SOX5: variants seen among roughly 807,000 people sequenced by gnomAD.
SOX5 encodes SRY-box transcription factor 5, also known as transcription factor SOX-5.
SOX5 carries 9 observed loss-of-function variants against 92.0 expected under a neutral mutation model. The observed-to-expected ratio is 0.10, with a 90% confidence interval of 0.06 to 0.17. SOX5 has a LOEUF of 0.17. SOX5 is among the 10% of genes least tolerant of loss of function. SOX5 has a pLI of 1.00. For synonymous variants in SOX5, 344 were observed against 336.3 expected, an observed-to-expected ratio of 1.02 and a Z score of -0.25; for missense variants, 642 against 944.5, an observed-to-expected ratio of 0.68 and a Z score of 4.20.
At chr12:23,744,831 T>C (rs960368569) in intron 4 of SOX5, among the ~76,000 whole-genome samples, 2 of 152,112 alleles carry the variant, frequency 1.3e-5, no homozygotes, top group Non-Finnish European at 2.9e-5. Context: ...AGACAGAAAT[T>C]GCCTTACAGT....
In SOX5 at chr12:24,281,238, A is replaced by G. The variant is rs74686289; in HGVS notation, c.-173-3926T>C. 8.1e-4 allele frequency among the ~76,000 whole-genome samples: 52 copies of G among 64,308 alleles called. 1 individual carries two copies. In the East Asian group the frequency reaches 0.015, roughly 18 times the overall value. 42.2% of individuals were successfully genotyped at this position (64,308 alleles called of 152,430 possible). A position where few individuals can be genotyped will look rare whatever the true frequency, so the allele number is the denominator to read the frequency against. ...ATACGGTTATAAAATTACCAAAAGG[A>G]AAAAAAAAAAAAAAAAAAACTGTTG... On this transcript the variant is annotated intron_variant, in intron 2 of 4. Transcript: ENST00000446891.
rs1419127932 is a variant in SOX5 at position 23,786,622 on chromosome 12, C to T, written c.482-30898G>A. 2.7e-5 allele frequency among the ~76,000 whole-genome samples: 3 copies of T among 109,644 alleles called. 1 individual carries two copies. Among genetic ancestry groups the T allele is most frequent in the African/African-American group, 6.9e-5 (2 of 29,042 alleles). The allele number at this position is 109,644 out of a possible 152,430, so 71.9% of individuals were successfully genotyped here. ...ATCAGTGTTCCTACTGTATCAATCA[C>T]GTATTATTTTTCTAGAAGAAATTGT... On this transcript the variant is annotated intron_variant, in intron 3 of 14. Coordinates refer to ENST00000451604, the MANE Select transcript of SOX5 (RefSeq NM_006940.6).
At chr12:24,064,109 T>C (rs1399504689) in intron 4 of SOX5, among the ~76,000 whole-genome samples, 3 of 152,166 alleles carry the variant, frequency 2.0e-5, no homozygotes, top group Non-Finnish European at 2.9e-5. Context: ...GAATACCAAA[T>C]GAACCACCAA....
chr12:24,302,583 A>T (rs1160379669), intron 2 of SOX5, among the ~76,000 whole-genome samples: 1 of 152,070 alleles, frequency 6.6e-6, no homozygotes, highest in African/African-American at 2.4e-5. Context: ...AAGCATTACA[A>T]GTTCCCAGGC....
chr12:23,584,735 GTGTGTGTGTGTGTA>G, intron 9 of SOX5: 3 of 617,276 alleles, frequency 4.9e-6, no homozygotes, highest in South Asian at 1.9e-5. Context: ...GTGTGAGTGT[GTGTGTGTGTGTGTA>G]TGTGTGTGTG....
At chr12:24,382,233 C>T (rs545484212) in intron 1 of SOX5, among the ~76,000 whole-genome samples, 1 of 152,282 alleles carries the variant, frequency 6.6e-6, no homozygotes, top group East Asian at 1.9e-4. Context: ...CCGTAAGAAG[C>T]TGCCATTTGA....
At chr12:23,947,720 C>T (rs1210185865) in intron 1 of SOX5, among the ~76,000 whole-genome samples, 1 of 150,460 alleles carries the variant, frequency 6.6e-6, no homozygotes, top group African/African-American at 2.4e-5. Context: ...AAATGAAATT[C>T]CCACCAGGAG....
At chr12:24,345,130 C>T (rs11047382) in intron 2 of SOX5, among the ~76,000 whole-genome samples, 9,094 of 152,094 alleles carry the variant, frequency 0.06, 394 homozygotes, top group Non-Finnish European at 0.086. Context: ...GGTAAGAGAA[C>T]GTCACAGGTG....
intron 8 of SOX5, among the ~76,000 whole-genome samples, chr12:23,619,618 C>T (rs78018433): frequency 6.6e-6 from 1 of 152,086 alleles, no homozygotes; most frequent in Non-Finnish European, 1.5e-5. Context: ...TCAGAAAGCA[C>T]CTTTTATGGA....
chr12:23,771,537 G>A (rs1431680746), intron 3 of SOX5, among the ~76,000 whole-genome samples: 1 of 152,192 alleles, frequency 6.6e-6, no homozygotes, highest in African/African-American at 2.4e-5. Flanking sequence ...ACCGCTGACT[G>A]AGTTTATCCA....
Position 23,877,222 on chromosome 12 carries a change from T to C in SOX5, c.270+18571A>G, listed in dbSNP as rs556955310. On this transcript the variant is annotated intron_variant, in intron 2 of 14. Coordinates refer to ENST00000451604, the MANE Select transcript of SOX5 (RefSeq NM_006940.6). Reference sequence around the variant, plus strand: ...GTGTTAAAGGACTTATTTTTTTCTTTTCTTTTCCTTTTTTTTGGAGGAGAG... The same window carrying C: ...GTGTTAAAGGACTTATTTTTTTCTTCTCTTTTCCTTTTTTTTGGAGGAGAG... Among the ~76,000 whole-genome samples, 52 of 152,340 alleles carry C rather than the reference T, an allele frequency of 3.4e-4. 1 individual carries two copies. In the South Asian group the frequency reaches 0.011, roughly 32 times the overall value.
At chr12:23,712,406 C>T (rs77482846) in intron 6 of SOX5, among the ~76,000 whole-genome samples, 9,672 of 152,172 alleles carry the variant, frequency 0.064, 373 homozygotes, top group East Asian at 0.13. Flanking sequence ...TAGGTACAAA[C>T]GAGTCTTAGG....
chr12:23,647,231 G>A (rs1203151811), intron 7 of SOX5, among the ~76,000 whole-genome samples: 1 of 152,144 alleles, frequency 6.6e-6, no homozygotes, highest in South Asian at 2.1e-4. Context: ...CTGTCAATGA[G>A]CAGTAATGTT....
chr12:23,600,369 A>G (rs74072241), intron 9 of SOX5, among the ~76,000 whole-genome samples: 8 of 151,938 alleles, frequency 5.3e-5, no homozygotes, highest in African/African-American at 1.9e-4. Flanking sequence ...AGTAAGATCC[A>G]AAAGGGAACA....
At chr12:24,273,330 C>A (rs1224182992) in intron 3 of SOX5, among the ~76,000 whole-genome samples, 2 of 152,142 alleles carry the variant, frequency 1.3e-5, no homozygotes, top group African/African-American at 4.8e-5. Flanking sequence ...TTTGCTTTTG[C>A]TTTATAGGAC....
intron 4 of SOX5, among the ~76,000 whole-genome samples, chr12:23,967,348 A>G (rs1244856703): frequency 6.6e-6 from 1 of 152,136 alleles, no homozygotes; most frequent in Non-Finnish European, 1.5e-5. Flanking sequence ...TATTTTAAAA[A>G]AGTATATTAA....
At chr12:24,318,187 C>T (rs866134056) in intron 2 of SOX5, among the ~76,000 whole-genome samples, 6 of 151,974 alleles carry the variant, frequency 3.9e-5, no homozygotes, top group Middle Eastern at 3.2e-3. Context: ...CCAGCCTGGG[C>T]GACAGAGCAA....
intron 1 of SOX5, among the ~76,000 whole-genome samples, chr12:24,547,177 C>A (rs1446544124): frequency 7.2e-6 from 1 of 138,368 alleles, no homozygotes; most frequent in Admixed American, 7.5e-5. Context: ...TGATATCTAA[C>A]ATTTTTTTTT....
intron 4 of SOX5, among the ~76,000 whole-genome samples, chr12:24,055,544 A>G (rs11047240): frequency 0.013 from 1,977 of 152,262 alleles, 42 homozygotes; most frequent in African/African-American, 0.043. Context: ...TTTTCCCCCT[A>G]TGAACCAGGA....
Sources: allele counts gnomAD v4.1 joint callset (sites outside exome capture counted in the v4.1 genomes callset), GRCh38; gene constraint gnomAD v4.1.1; transcripts MANE v1.5; gene names NCBI Gene and HGNC (gene_info 2026-07-23, HGNC 2026-07-21).